TMEM38A: variants seen among roughly 807,000 people sequenced by gnomAD.
TMEM38A encodes trimeric intracellular cation channel type A.
Under a neutral mutation model 28.6 loss-of-function variants are expected in TMEM38A, and 17 were observed. The ratio of observed to expected loss-of-function variants is 0.60; its 90% CI spans 0.41 to 0.89. The LOEUF (loss-of-function observed/expected upper bound fraction) is 0.89. Among genes scored for constraint, TMEM38A ranks in the 40% least tolerant of loss-of-function variants. TMEM38A has a pLI of 0.00. For missense variants in TMEM38A, 328 were observed against 393.1 expected, an observed-to-expected ratio of 0.83 and a Z score of 1.40; for synonymous variants, 169 against 166.1, an observed-to-expected ratio of 1.02 and a Z score of -0.14.
chr19:16,687,151 G>T (rs1239996091), intron 5 of TMEM38A, among the ~76,000 whole-genome samples: 1 of 152,002 alleles, frequency 6.6e-6, no homozygotes, highest in East Asian at 1.9e-4. Flanking sequence ...GGGCAACATG[G>T]CGAAACCCCA....
At chr19:16,673,502 G>A (rs1319961516) in intron 1 of TMEM38A, among the ~76,000 whole-genome samples, 1 of 152,174 alleles carries the variant, frequency 6.6e-6, no homozygotes, top group Non-Finnish European at 1.5e-5. Context: ...CCTTCTCTAA[G>A]TCTTTGTTTA....
At chr19:16,684,479 CAAA>C (rs888140973) in intron 4 of TMEM38A, among the ~76,000 whole-genome samples, 1 of 124,704 alleles carries the variant, frequency 8.0e-6, no homozygotes, top group African/African-American at 2.9e-5. Context: ...GACCTTGTCT[CAAA>C]AAAAAAAAAG....
chr19:16,672,727 G>C (rs1392354290), intron 1 of TMEM38A, among the ~76,000 whole-genome samples: 1 of 152,042 alleles, frequency 6.6e-6, no homozygotes, highest in African/African-American at 2.4e-5. Flanking sequence ...TGAGATTACA[G>C]GTGTGAGCCA....
chr19:16,662,876 AC>A lies in TMEM38A; in HGVS notation c.124+1536del, dbSNP rs149757199. ...ATCCTGGAGAACATTACTTTGCAAAACAAAATAGGCTTTTGTGTTGTCCTAG... is the reference window on the plus strand; with the variant it reads ...ATCCTGGAGAACATTACTTTGCAAAAAAAATAGGCTTTTGTGTTGTCCTAG... On this transcript the variant is annotated intron_variant, in intron 1 of 5. Coordinates refer to ENST00000187762, the MANE Select transcript of TMEM38A (RefSeq NM_024074.4). Among the ~76,000 whole-genome samples, 313 of 152,200 alleles carry A rather than the reference AC, an allele frequency of 2.1e-3. 1 individual carries two copies. The highest frequency in any genetic ancestry group is 7.1e-3 in the African/African-American group (293 of 41,528).
intron 3 of TMEM38A, among the ~76,000 whole-genome samples, chr19:16,681,741 C>T (rs927928872): frequency 6.6e-6 from 1 of 152,134 alleles, no homozygotes; most frequent in Non-Finnish European, 1.5e-5. Context: ...GCGCTCCCTC[C>T]CCAGCTGTGA....
Position 16,688,307 on chromosome 19 carries a change from C to T in TMEM38A, c.836C>T (p.Pro279Leu). Residue 279 changes from proline to leucine, a missense_variant, in exon 6 of 6, where the codon CCC becomes CTC. Transcript: ENST00000187762. ...CCAGGAGCTCAGCATTCGGCCATGC[C>T]CGCCAAGTCCAAGGAGGAGTTGAGC... ...GGPGAQHSAMPAKSKEELSEG... is the reference protein window; with the variant it reads ...GGPGAQHSAMLAKSKEELSEG... The T allele has an allele frequency of 6.2e-7, 1 of 1,609,532 alleles. No homozygotes were observed. The highest frequency in any genetic ancestry group is 1.1e-5 in the South Asian group (1 of 90,446).
intron 1 of TMEM38A, among the ~76,000 whole-genome samples, chr19:16,677,016 C>T (rs1462251027): frequency 6.6e-6 from 1 of 151,110 alleles, no homozygotes; most frequent in African/African-American, 2.4e-5. Context: ...CCACCTCGCC[C>T]TCCCAAAGTG....
chr19:16,666,564 G>C (rs2086704058), intron 1 of TMEM38A, among the ~76,000 whole-genome samples: 1 of 152,048 alleles, frequency 6.6e-6, no homozygotes, highest in African/African-American at 2.4e-5. Context: ...ATGAGCAACT[G>C]TGCCTGGCTG....
At chr19:16,685,690 G>A (rs181765372) in intron 4 of TMEM38A, among the ~76,000 whole-genome samples, 2 of 152,266 alleles carry the variant, frequency 1.3e-5, no homozygotes, top group East Asian at 1.9e-4. Context: ...CATAAATTAC[G>A]TTGTTACTAC....
At position 16,661,518 on chromosome 19, in the gene TMEM38A, A is replaced by G. The variant is rs1355031481; in HGVS notation, c.124+177A>G. Among the ~76,000 whole-genome samples the G allele has an allele frequency of 6.6e-6, 1 of 151,028 alleles. No homozygotes were observed. The highest frequency in any genetic ancestry group is 1.5e-5 in the Non-Finnish European group (1 of 67,800). On this transcript the variant is annotated intron_variant, in intron 1 of 5. Coordinates refer to ENST00000187762, the MANE Select transcript of TMEM38A (RefSeq NM_024074.4). The surrounding 1 kb of genome is among the most constrained non-coding windows in gnomAD (Gnocchi z 6.5). ...CGTGGGGTTCTCTCACGCCGGGGTG[A>G]GCCCGGGGGAGAAGCCCCCAGGACG...
intron 1 of TMEM38A, among the ~76,000 whole-genome samples, chr19:16,678,949 G>T (rs373112724): frequency 2.6e-5 from 4 of 151,498 alleles, no homozygotes; most frequent in African/African-American, 9.7e-5. Context: ...AAGAGTTGGA[G>T]ACCAGCTTGG....
chr19:16,663,673 C>T (rs1226004369), intron 1 of TMEM38A, among the ~76,000 whole-genome samples: 2 of 151,564 alleles, frequency 1.3e-5, no homozygotes, highest in African/African-American at 4.8e-5. Flanking sequence ...GGACTACAGG[C>T]GCCCACCACC....
At position 16,661,165 on chromosome 19, in the gene TMEM38A, AC is replaced by A; in HGVS notation, c.-52del. The A allele has an allele frequency of 1.8e-6, 2 of 1,133,254 alleles. No homozygotes were observed. Among genetic ancestry groups the A allele is most frequent in the Non-Finnish European group, 2.2e-6 (2 of 920,664 alleles). 70.2% of individuals were successfully genotyped at this position (1,133,254 alleles called of 1,614,324 possible). A position where few individuals can be genotyped will look rare whatever the true frequency, so the allele number is the denominator to read the frequency against. On this transcript the variant is annotated 5_prime_UTR_variant, in exon 1 of 6. Coordinates refer to ENST00000187762, the MANE Select transcript of TMEM38A (RefSeq NM_024074.4). This position sits in a 1 kb window ranked among gnomAD's most constrained non-coding sequence, Gnocchi z 6.5. ...CAGTCGCCGGGCCGCGGGCGGCGGGACGGACGAGGCCGGGGCCCCGGGTGGC... is the reference window on the plus strand; with the variant it reads ...CAGTCGCCGGGCCGCGGGCGGCGGGAGGACGAGGCCGGGGCCCCGGGTGGC...
chr19:16,681,937 C>T (rs2086783660), intron 3 of TMEM38A, among the ~76,000 whole-genome samples: 2 of 152,158 alleles, frequency 1.3e-5, no homozygotes, highest in African/African-American at 4.8e-5. Context: ...GAAATTTAAT[C>T]ATTCTATCTC....
chr19:16,666,018 G>A (rs894515666), intron 1 of TMEM38A, among the ~76,000 whole-genome samples: 1 of 150,914 alleles, frequency 6.6e-6, no homozygotes, highest in Non-Finnish European at 1.5e-5. Flanking sequence ...GTCTTGCCGT[G>A]TCTCTAGGCT....
intron 3 of TMEM38A, chr19:16,680,872 T>A (rs1444460173): frequency 2.5e-6 from 1 of 394,518 alleles, no homozygotes; most frequent in Non-Finnish European, 4.8e-6. Flanking sequence ...TGGGGCTGGA[T>A]CATTCTTTGT....
chr19:16,670,966 TC>T (rs1407231703), intron 1 of TMEM38A, among the ~76,000 whole-genome samples: 1 of 151,810 alleles, frequency 6.6e-6, no homozygotes, highest in Non-Finnish European at 1.5e-5. Flanking sequence ...AAGTCCCATG[TC>T]CCAGGAAACC....
At chr19:16,682,354 G>T in intron 3 of TMEM38A, 67 bp from the exon 4 acceptor site, 1 of 1,321,060 alleles carries the variant, frequency 7.6e-7, no homozygotes. Flanking sequence ...TGCTTCCTTG[G>T]GAATTCAAAC....
At chr19:16,671,440 C>T (rs1025914147) in intron 1 of TMEM38A, among the ~76,000 whole-genome samples, 2 of 151,920 alleles carry the variant, frequency 1.3e-5, no homozygotes, top group Admixed American at 1.3e-4. Flanking sequence ...AACTCCTGAC[C>T]TCAAGTGATC....
Sources: gnomAD v4.1 joint callset for allele counts (sites outside exome capture counted in the v4.1 genomes callset) on GRCh38, gnomAD v4.1.1 for gene constraint, Gnocchi (gnomAD v3.1) non-coding constraint, MANE v1.5 for transcripts, NCBI Gene and HGNC (gene_info 2026-07-23, HGNC 2026-07-21) for gene names.